TMEM74: variants seen among roughly 807,000 people sequenced by gnomAD.
The protein encoded by TMEM74 is transmembrane protein 74.
Under a neutral mutation model 18.1 loss-of-function variants are expected in TMEM74, and 13 were observed. The observed-to-expected ratio is 0.72, with a 90% CI of 0.47 to 1.14. The LOEUF (loss-of-function observed/expected upper bound fraction) is 1.14. Among genes scored for constraint, TMEM74 ranks in the 50% most tolerant of loss-of-function variants. TMEM74 has a pLI of 0.00. For synonymous variants in TMEM74, 159 were observed against 146.6 expected (o/e 1.08, Z -0.61); for missense variants, 372 against 375.9 (o/e 0.99, Z 0.09).
intron 2 of TMEM74, among the ~76,000 whole-genome samples, chr8:108,613,669 T>C (rs1202361174): frequency 1.3e-5 from 2 of 152,240 alleles, no homozygotes; most frequent in East Asian, 3.8e-4. Flanking sequence ...GTTTGCATTT[T>C]GTCCACCACA....
intron 2 of TMEM74, among the ~76,000 whole-genome samples, chr8:108,639,248 T>C (rs1812638464): frequency 1.3e-5 from 2 of 152,198 alleles, no homozygotes; most frequent in Non-Finnish European, 1.5e-5. Context: ...TACATGTAGC[T>C]AATACTATTA....
In TMEM74 at chr8:108,677,546, G is replaced by GT. The variant is rs11294973; in HGVS notation, n.120-22110dup. On this transcript the variant is annotated intron_variant and non_coding_transcript_variant, in intron 1 of 3. Coordinates refer to the TMEM74 transcript ENST00000518838. ...TTCAAAACGGCCTTAGTATTCTGTT[G>GT]TTTTTTTTTTTTTCTGAAACAAATG... is the stretch of plus-strand genomic sequence containing the variant. Among the ~76,000 whole-genome samples, 1,215 of 144,676 alleles carry GT rather than the reference G, an allele frequency of 8.4e-3. 4 individuals are homozygous for GT. The highest frequency in any genetic ancestry group is 0.013 in the Non-Finnish European group (848 of 65,666). 94.9% of individuals were successfully genotyped at this position (144,676 alleles called of 152,430 possible).
chr8:108,697,110 G>A (rs1414117991), intron 1 of TMEM74, among the ~76,000 whole-genome samples: 1 of 152,112 alleles, frequency 6.6e-6, no homozygotes, highest in East Asian at 1.9e-4. Context: ...GATTAGAATG[G>A]GAAAGGAGAC....
At chr8:108,650,660 T>G (rs1251915497) in intron 2 of TMEM74, among the ~76,000 whole-genome samples, 1 of 152,124 alleles carries the variant, frequency 6.6e-6, no homozygotes, top group Non-Finnish European at 1.5e-5. Flanking sequence ...TTTACTTACT[T>G]TGGATTGTTG....
chr8:108,666,032 T>G (rs1812946089), intron 1 of TMEM74, among the ~76,000 whole-genome samples: 1 of 152,202 alleles, frequency 6.6e-6, no homozygotes, highest in South Asian at 2.1e-4. Flanking sequence ...GCCTTGATGT[T>G]GAATAGAAGA....
chr8:108,719,663 G>A (rs1813566544), intron 1 of TMEM74, among the ~76,000 whole-genome samples: 1 of 152,096 alleles, frequency 6.6e-6, no homozygotes. Flanking sequence ...GAATTTCAAA[G>A]AAATTTCAAG....
At chr8:108,735,385 C>T (rs1813737857) in intron 1 of TMEM74, among the ~76,000 whole-genome samples, 1 of 150,542 alleles carries the variant, frequency 6.6e-6, no homozygotes. Context: ...ACTCCTCAGC[C>T]CTGAGCATCT....
intron 2 of TMEM74, among the ~76,000 whole-genome samples, chr8:108,632,546 G>A (rs781237781): frequency 4.0e-5 from 6 of 151,724 alleles, no homozygotes; most frequent in Non-Finnish European, 8.8e-5. Flanking sequence ...CCATTTCAAG[G>A]ACCATGATTA....
intron 1 of TMEM74, among the ~76,000 whole-genome samples, chr8:108,705,899 G>A (rs1813392101): frequency 7.9e-5 from 12 of 152,164 alleles, no homozygotes; most frequent in Admixed American, 7.9e-4. Context: ...CATTCAGGAT[G>A]GCCTGAGGAT....
At chr8:108,753,868 T>A (rs529302402) in intron 1 of TMEM74, among the ~76,000 whole-genome samples, 19 of 152,258 alleles carry the variant, frequency 1.2e-4, no homozygotes, top group African/African-American at 4.6e-4. Flanking sequence ...GTATTTTGTA[T>A]CTACTTTACC....
chr8:108,620,349 G>T (rs191840185), intron 2 of TMEM74, among the ~76,000 whole-genome samples: 1 of 152,138 alleles, frequency 6.6e-6, no homozygotes, highest in African/African-American at 2.4e-5. Flanking sequence ...ATCTCTGCAC[G>T]TGTAAGATTG....
intron 2 of TMEM74, among the ~76,000 whole-genome samples, chr8:108,624,954 CAG>C (rs939852998): frequency 1.3e-5 from 2 of 151,986 alleles, no homozygotes; most frequent in African/African-American, 2.4e-5. Context: ...TGTAGGAAGA[CAG>C]AGAGAGAGCC....
intron 2 of TMEM74, among the ~76,000 whole-genome samples, chr8:108,642,209 G>A (rs1032248668): frequency 1.3e-5 from 2 of 151,902 alleles, no homozygotes; most frequent in African/African-American, 4.8e-5. Context: ...GACCAGCCTG[G>A]GCAACACGGT....
intron 1 of TMEM74, among the ~76,000 whole-genome samples, chr8:108,705,095 T>C (rs117864151): frequency 0.05 from 7,634 of 152,346 alleles, 262 homozygotes; most frequent in Non-Finnish European, 0.071. Context: ...TCTACTTCTG[T>C]AATTGATATT....
At chr8:108,646,356 T>A (rs1812717817) in intron 2 of TMEM74, among the ~76,000 whole-genome samples, 1 of 152,114 alleles carries the variant, frequency 6.6e-6, no homozygotes, top group Non-Finnish European at 1.5e-5. Context: ...AAATGTTTTG[T>A]GCCAAGTTTG....
At position 108,619,979 on chromosome 8, in the gene TMEM74, C is replaced by T. The variant is rs138592879; in HGVS notation, n.265-11153G>A. On this transcript the variant is annotated intron_variant and non_coding_transcript_variant, in intron 2 of 3. Coordinates refer to the TMEM74 transcript ENST00000518838. Reference sequence around the variant, plus strand: ...GCCTCTTCTTTTTCTTCCTCTTTTCCACCTCCTCTTCCTCTTCTTCCTCCT... The same window carrying T: ...GCCTCTTCTTTTTCTTCCTCTTTTCTACCTCCTCTTCCTCTTCTTCCTCCT... Among the ~76,000 whole-genome samples, 455 of 152,192 alleles carry T rather than the reference C, an allele frequency of 3.0e-3. 1 individual carries two copies. Among genetic ancestry groups the T allele is most frequent in the African/African-American group, 0.01 (433 of 41,544 alleles).
intron 1 of TMEM74, among the ~76,000 whole-genome samples, chr8:108,734,194 C>T (rs1342921524): frequency 1.3e-5 from 2 of 152,132 alleles, no homozygotes; most frequent in East Asian, 3.9e-4. Flanking sequence ...CACACTCTCT[C>T]TCGGAGCTCG....
At chr8:108,655,718 T>C (rs934293043) in intron 1 of TMEM74, among the ~76,000 whole-genome samples, 1 of 152,094 alleles carries the variant, frequency 6.6e-6, no homozygotes, top group South Asian at 2.1e-4. Context: ...TCTAAGAAAA[T>C]CTTCTGCAGG....
At chr8:108,741,767 T>C (rs1193181109) in intron 1 of TMEM74, among the ~76,000 whole-genome samples, 1 of 152,172 alleles carries the variant, frequency 6.6e-6, no homozygotes, top group Non-Finnish European at 1.5e-5. Flanking sequence ...TGGATAACAG[T>C]TAATGTCTGT....
Sources: allele counts gnomAD v4.1 joint callset (sites outside exome capture counted in the v4.1 genomes callset), GRCh38; gene constraint gnomAD v4.1.1; transcripts MANE v1.5; gene names NCBI Gene and HGNC (gene_info 2026-07-23, HGNC 2026-07-21).